NELL2: variants seen among roughly 807,000 people sequenced by gnomAD.
NELL2 encodes protein kinase C-binding protein NELL2.
NELL2 carries 41 observed loss-of-function variants against 109.6 expected under a neutral mutation model. The observed-to-expected ratio is 0.37, with a 90% CI of 0.29 to 0.49. The LOEUF is 0.49. Ranked by LOEUF, NELL2 falls within the 20% of genes least tolerant of loss-of-function variation. The pLI is 0.98. For synonymous variants in NELL2, 355 were observed against 344.7 expected (o/e 1.03, Z -0.33); for missense variants, 900 against 1,008.3 (o/e 0.89, Z 1.45).
chr12:44,689,857 T>C (rs1173939771), intron 12 of NELL2, among the ~76,000 whole-genome samples: 1 of 152,104 alleles, frequency 6.6e-6, no homozygotes, highest in East Asian at 1.9e-4. Flanking sequence ...CAAAGAATTA[T>C]CTAGTACAAA....
chr12:44,766,142 C>T (rs1280230283), intron 9 of NELL2, among the ~76,000 whole-genome samples: 1 of 151,980 alleles, frequency 6.6e-6, no homozygotes, highest in African/African-American at 2.4e-5. Context: ...ACAATCATCT[C>T]TAAATTGAAA....
At chr12:44,719,484 T>A (rs908763634) in intron 9 of NELL2, among the ~76,000 whole-genome samples, 1 of 152,168 alleles carries the variant, frequency 6.6e-6, no homozygotes, top group African/African-American at 2.4e-5. Flanking sequence ...AGCTTTTTCC[T>A]CTTATTACCT....
chr12:44,583,279 TA>T (rs1944385455), intron 15 of NELL2, among the ~76,000 whole-genome samples: 1 of 152,194 alleles, frequency 6.6e-6, no homozygotes, highest in East Asian at 1.9e-4. Context: ...CCATTTATTT[TA>T]AAAAGGCTTC....
At chr12:44,767,975 G>A (rs1941401614) in intron 9 of NELL2, among the ~76,000 whole-genome samples, 1 of 152,152 alleles carries the variant, frequency 6.6e-6, no homozygotes, top group South Asian at 2.1e-4. Context: ...CTAGGATTGG[G>A]AAGAAAGAAT....
chr12:44,704,629 C>T (rs774768120), intron 11 of NELL2, among the ~76,000 whole-genome samples: 31 of 152,144 alleles, frequency 2.0e-4, no homozygotes, highest in Non-Finnish European at 2.6e-4. Flanking sequence ...ATGGAAATTA[C>T]ATAATTATAT....
At chr12:44,584,131 A>T (rs1405227272) in intron 15 of NELL2, among the ~76,000 whole-genome samples, 4 of 152,220 alleles carry the variant, frequency 2.6e-5, no homozygotes, top group Admixed American at 1.3e-4. Flanking sequence ...TAGGTCAGGC[A>T]CTCTGCTATA....
intron 13 of NELL2, among the ~76,000 whole-genome samples, chr12:44,623,734 G>T (rs1258352761): frequency 3.3e-5 from 5 of 151,990 alleles, no homozygotes; most frequent in African/African-American, 1.2e-4. Context: ...TCTGATGTTT[G>T]CCATTTTTAC....
chr12:44,676,205 T>A (rs1948311600), intron 12 of NELL2, among the ~76,000 whole-genome samples: 1 of 152,154 alleles, frequency 6.6e-6, no homozygotes, highest in Non-Finnish European at 1.5e-5. Flanking sequence ...AAATACTGGC[T>A]GGCAAAGTTG....
chr12:44,650,330 A>C (rs1469381560), intron 13 of NELL2, among the ~76,000 whole-genome samples: 1 of 150,904 alleles, frequency 6.6e-6, no homozygotes, highest in Non-Finnish European at 1.5e-5. Context: ...CAGCTTCTCA[A>C]AAAAAAAGAC....
At chr12:44,736,191 A>T (rs1433108869) in intron 9 of NELL2, among the ~76,000 whole-genome samples, 4 of 151,462 alleles carry the variant, frequency 2.6e-5, no homozygotes, top group Non-Finnish European at 5.9e-5. Flanking sequence ...TTGTATTTTT[A>T]GTAGAGACGG....
At chr12:44,655,097 T>C (rs150352117) in intron 13 of NELL2, among the ~76,000 whole-genome samples, 8 of 152,304 alleles carry the variant, frequency 5.3e-5, no homozygotes, top group African/African-American at 1.4e-4. Context: ...CTGCTTTTCA[T>C]ATAAAAATCT....
chr12:44,905,649 T>G (rs907362119), intron 1 of NELL2, among the ~76,000 whole-genome samples: 2 of 152,118 alleles, frequency 1.3e-5, no homozygotes, highest in African/African-American at 4.8e-5. Flanking sequence ...CCAAATTATT[T>G]TTTAAGATAC....
At chr12:44,912,006 AAAAT>A (rs1436075197) in intron 1 of NELL2, among the ~76,000 whole-genome samples, 1 of 151,398 alleles carries the variant, frequency 6.6e-6, no homozygotes, top group African/African-American at 2.4e-5. Context: ...AATAAAAATA[AAAAT>A]AAATAAAGTG....
intron 9 of NELL2, among the ~76,000 whole-genome samples, chr12:44,758,428 CTT>C (rs1231740853): frequency 1.3e-5 from 2 of 152,178 alleles, no homozygotes; most frequent in South Asian, 4.1e-4. Context: ...AAAGAATAAA[CTT>C]GACACAATGA....
At chr12:44,547,109 T>C (rs530499726) in intron 15 of NELL2, among the ~76,000 whole-genome samples, 7 of 152,314 alleles carry the variant, frequency 4.6e-5, no homozygotes, top group Admixed American at 3.3e-4. Context: ...CAGCTACTTA[T>C]AGTTTTCTGT....
At chr12:44,836,431 C>A (rs12228073) in intron 2 of NELL2, among the ~76,000 whole-genome samples, 7 of 152,152 alleles carry the variant, frequency 4.6e-5, no homozygotes, top group Non-Finnish European at 8.8e-5. Flanking sequence ...AAACTTCCCA[C>A]GTAGAACCCC....
intron 2 of NELL2, among the ~76,000 whole-genome samples, chr12:44,854,685 T>C (rs1193521690): frequency 3.4e-4 from 1 of 2,964 alleles, no homozygotes; most frequent in Non-Finnish European, 3.6e-3. Flanking sequence ...GATGGATGGG[T>C]GGATGGATGG....
chr12:44,629,149 T>C (rs1480265563), intron 13 of NELL2, among the ~76,000 whole-genome samples: 1 of 152,214 alleles, frequency 6.6e-6, no homozygotes, highest in Admixed American at 6.5e-5. Context: ...TCAATTCAAA[T>C]GGCCTAAATA....
intron 11 of NELL2, among the ~76,000 whole-genome samples, chr12:44,706,285 T>C (rs1937874008): frequency 6.6e-6 from 1 of 152,208 alleles, no homozygotes; most frequent in South Asian, 2.1e-4. Context: ...AACAGATAAG[T>C]TGATTGAACC....
Sources: gnomAD v4.1 joint callset for allele counts (sites outside exome capture counted in the v4.1 genomes callset) on GRCh38, gnomAD v4.1.1 for gene constraint, MANE v1.5 for transcripts, NCBI Gene and HGNC (gene_info 2026-07-23, HGNC 2026-07-21) for gene names.